Variants in PSMG2 observed in about 807,000 individuals in gnomAD.
PSMG2 encodes proteasome assembly chaperone 2.
In PSMG2, 21 loss-of-function variants were observed where a neutral mutation model predicts 31.5. That is an observed-to-expected ratio of 0.67 (90% CI 0.47 to 0.96). The LOEUF (loss-of-function observed/expected upper bound fraction) is 0.96. Ranked by LOEUF, PSMG2 falls within the 40% of genes least tolerant of loss-of-function variation. The probability of loss-of-function intolerance (pLI) is 0.00; values close to 1 mark genes in which losing one functional copy is unlikely to be tolerated. For synonymous variants in PSMG2, 120 were observed against 110.4 expected (o/e 1.09, Z -0.54); for missense variants, 318 against 321.2 (o/e 0.99, Z 0.08).
chr18:12,696,300 C>T (rs1257895301), intron 1 of PSMG2, among the ~76,000 whole-genome samples: 3 of 152,080 alleles, frequency 2.0e-5, no homozygotes, highest in South Asian at 2.1e-4. Flanking sequence ...GTCAAGAGAT[C>T]GAGACCATCC....
intron 4 of PSMG2, among the ~76,000 whole-genome samples, 185 bp downstream of exon 4, chr18:12,718,820 T>C (rs2040402681): frequency 6.6e-6 from 1 of 152,214 alleles, no homozygotes; most frequent in East Asian, 1.9e-4. Flanking sequence ...TTTCAGTTCC[T>C]GTGAGCTTAG....
At chr18:12,718,261 C>T (rs2145148014) in intron 3 of PSMG2, among the ~76,000 whole-genome samples, 1 of 152,086 alleles carries the variant, frequency 6.6e-6, no homozygotes, top group African/African-American at 2.4e-5. Context: ...CGCCTGCCTC[C>T]CAAAGTGCTG....
At chr18:12,691,306 T>C in intron 1 of PSMG2, 2 of 1,157,572 alleles carry the variant, frequency 1.7e-6, no homozygotes, top group Non-Finnish European at 2.5e-6. Flanking sequence ...TTTACACACA[T>C]AACAGTAAAT....
chr18:12,691,883 A>AT (rs1335534425), intron 1 of PSMG2, among the ~76,000 whole-genome samples: 1 of 150,802 alleles, frequency 6.6e-6, no homozygotes, highest in Non-Finnish European at 1.5e-5. Flanking sequence ...ACTCAGCTAA[A>AT]TTTTTTTTTG....
At chr18:12,683,177 TAAAAATACC>T (rs2039410165) in intron 1 of PSMG2, among the ~76,000 whole-genome samples, 1 of 44,022 alleles carries the variant, frequency 2.3e-5, no homozygotes, top group Admixed American at 2.1e-4. Flanking sequence ...CCATCTCTAC[TAAAAATACC>T]AAAAAAAAAA....
intron 1 of PSMG2, among the ~76,000 whole-genome samples, chr18:12,687,088 A>C (rs914915126): frequency 4.6e-5 from 7 of 152,114 alleles, no homozygotes; most frequent in Admixed American, 3.9e-4. Context: ...TACCACTGTG[A>C]TTTTACAGTG....
rs575796294 is a variant in PSMG2, at chr18:12,712,473, C to G, written c.230-229C>G. Among the ~76,000 whole-genome samples, 6 of 152,302 alleles carry G rather than the reference C, an allele frequency of 3.9e-5. No individual in the cohort carries two copies. In the South Asian group the frequency reaches 1.0e-3, roughly 26 times the overall value. On this transcript the variant is annotated intron_variant, in intron 2 of 6. Coordinates refer to ENST00000317615, the MANE Select transcript of PSMG2 (RefSeq NM_020232.5). ...AAAAATAATTTTTTATATTTTCTTA[C>G]AGTTAACTTTTCAGAAATGAATCTG...
At chr18:12,666,293 C>T (rs1308421621) in intron 1 of PSMG2, among the ~76,000 whole-genome samples, 1 of 152,116 alleles carries the variant, frequency 6.6e-6, no homozygotes, top group Non-Finnish European at 1.5e-5. Context: ...CACACCCCTG[C>T]ACTCTAGCCT....
intron 1 of PSMG2, among the ~76,000 whole-genome samples, chr18:12,682,682 G>A (rs2039393510): frequency 6.6e-6 from 1 of 152,044 alleles, no homozygotes; most frequent in South Asian, 2.1e-4. Context: ...AGGCTGGAAT[G>A]CAGTGGCATG....
At chr18:12,677,686 T>G (rs1330058202) in intron 1 of PSMG2, among the ~76,000 whole-genome samples, 9 of 152,136 alleles carry the variant, frequency 5.9e-5, no homozygotes, top group Non-Finnish European at 1.2e-4. Context: ...CTTGAACTCC[T>G]GGGCTCAAGC....
chr18:12,717,598 T>G (rs2040389238), intron 3 of PSMG2, among the ~76,000 whole-genome samples: 1 of 152,242 alleles, frequency 6.6e-6, no homozygotes, highest in South Asian at 2.1e-4. Flanking sequence ...ATTTAATGAA[T>G]TTATTCAGGA....
At chr18:12,660,049 C>T (rs1011017069) in intron 1 of PSMG2, among the ~76,000 whole-genome samples, 6 of 152,146 alleles carry the variant, frequency 3.9e-5, no homozygotes, top group Admixed American at 2.6e-4. Flanking sequence ...ACCTCCTGGC[C>T]TTATGGGATA....
intron 2 of PSMG2, among the ~76,000 whole-genome samples, chr18:12,711,365 C>G (rs1262202312): frequency 1.3e-5 from 2 of 152,128 alleles, no homozygotes; most frequent in East Asian, 1.9e-4. Flanking sequence ...GCCTGTCCAC[C>G]CCCTACAGAT....
upstream of PSMG2, chr18:12,699,965 T>A (rs2040095890): frequency 3.4e-6 from 4 of 1,173,918 alleles, no homozygotes; most frequent in Non-Finnish European, 1.2e-6. Context: ...GTTAAGGAAA[T>A]GTCAATAAAC....
At position 12,672,536 on chromosome 18, in the gene PSMG2, CTGATT is replaced by C. The variant is rs2038974553; in HGVS notation, c.-37+13765_-37+13769del. 5 of 419,732 alleles carry C rather than the reference CTGATT, an allele frequency of 1.2e-5. No homozygotes were observed. The South Asian group carries it at 3.9e-4, about 33-fold the overall frequency. The allele number at this position is 419,732 out of a possible 1,614,324, so 26.0% of individuals were successfully genotyped here. The stretch of plus-strand genomic sequence containing the variant: ...CTTATTTAGATTAGTCACATATATG[CTGATT>C]TTTTTATCACAATGAAAGAAAAAAG... On this transcript the variant is annotated intron_variant, in intron 1 of 6. Transcript: ENST00000585331.
intron 1 of PSMG2, among the ~76,000 whole-genome samples, chr18:12,669,032 C>CTTTTTTTTTTTTTTTTTTT (rs71174122): frequency 2.4e-5 from 1 of 41,960 alleles, no homozygotes; most frequent in Non-Finnish European, 5.3e-5. Context: ...ACCCCCCGCA[C>CTTTTTTTTTTTTTTTTTTT]TTTTTTTTTT....
At chr18:12,692,468 C>T (rs931937460) in intron 1 of PSMG2, among the ~76,000 whole-genome samples, 5 of 152,184 alleles carry the variant, frequency 3.3e-5, no homozygotes, top group African/African-American at 9.7e-5. Flanking sequence ...ACAGGGCTTT[C>T]GGTCCTCCAT....
chr18:12,698,829 A>T (rs1174691016), upstream of PSMG2: 3 of 610,316 alleles, frequency 4.9e-6, no homozygotes, highest in Non-Finnish European at 8.8e-6. Context: ...GAAGGTGGAT[A>T]GTAGTTTAAA....
intron 1 of PSMG2, among the ~76,000 whole-genome samples, chr18:12,660,306 A>T (rs1054765175): frequency 1.4e-5 from 2 of 147,128 alleles, no homozygotes; most frequent in South Asian, 2.1e-4. Flanking sequence ...CCTCTAATCA[A>T]TGGAAAAAGA....
Sources: gnomAD v4.1 joint callset for allele counts (sites outside exome capture counted in the v4.1 genomes callset) on GRCh38, gnomAD v4.1.1 for gene constraint, MANE v1.5 for transcripts, NCBI Gene and HGNC (gene_info 2026-07-23, HGNC 2026-07-21) for gene names.